Variants in MAGI2 observed in about 807,000 individuals in gnomAD.
MAGI2 encodes the protein membrane associated guanylate kinase, WW and PDZ domain containing 2.
A neutral mutation model predicts 133.3 loss-of-function variants in MAGI2; 35 were observed. That is an observed-to-expected ratio of 0.26 (90% CI 0.20 to 0.35). The LOEUF is 0.35. Among genes scored for constraint, MAGI2 ranks in the 10% least tolerant of loss-of-function variants. The probability of loss-of-function intolerance (pLI) is 1.00; values close to 1 mark genes in which losing one functional copy is unlikely to be tolerated. For missense variants in MAGI2, 1,636 were observed against 1,863.4 expected, an observed-to-expected ratio of 0.88 and a Z score of 2.25; for synonymous variants, 729 against 710.6, an observed-to-expected ratio of 1.03 and a Z score of -0.41.
At chr7:78,177,386 T>C (rs1354301261) in intron 14 of MAGI2, among the ~76,000 whole-genome samples, 2 of 151,594 alleles carry the variant, frequency 1.3e-5, no homozygotes, top group Non-Finnish European at 2.9e-5. Flanking sequence ...TATTAGTGAC[T>C]ACTAGTATTT....
At chr7:78,078,507 T>C (rs1014554031) in intron 21 of MAGI2, 5 of 196,898 alleles carry the variant, frequency 2.5e-5, no homozygotes, top group Non-Finnish European at 5.1e-5. Context: ...CCTGAAGATA[T>C]GTTGCTTGTC....
chr7:78,810,996 G>A (rs1049088220), intron 2 of MAGI2, among the ~76,000 whole-genome samples: 4 of 151,902 alleles, frequency 2.6e-5, no homozygotes, highest in African/African-American at 9.7e-5. Flanking sequence ...ATGGATGTAG[G>A]CAATAAATTG....
At chr7:79,429,816 A>C (rs529436102) in intron 1 of MAGI2, among the ~76,000 whole-genome samples, 1 of 152,300 alleles carries the variant, frequency 6.6e-6, no homozygotes, top group Non-Finnish European at 1.5e-5. Context: ...TAATATGATT[A>C]TCTCATTGAA....
intron 3 of MAGI2, among the ~76,000 whole-genome samples, chr7:78,543,757 G>A (rs1798598862): frequency 6.6e-6 from 1 of 152,134 alleles, no homozygotes; most frequent in Non-Finnish European, 1.5e-5. Context: ...ATCTTCTTGT[G>A]CTCGGAAAAG....
At chr7:78,790,456 CAG>C (rs1199017103) in intron 2 of MAGI2, among the ~76,000 whole-genome samples, 18 of 152,066 alleles carry the variant, frequency 1.2e-4, no homozygotes, top group Admixed American at 1.0e-3. Context: ...TTTTTGGAGA[CAG>C]AGTCTCCCTT....
intron 6 of MAGI2, among the ~76,000 whole-genome samples, chr7:78,435,258 T>G (rs57653907): frequency 0.024 from 3,687 of 152,252 alleles, 161 homozygotes; most frequent in African/African-American, 0.084. Flanking sequence ...CCAGTTAGTA[T>G]TATTATGCTC....
chr7:78,840,964 C>T (rs893237620), intron 2 of MAGI2, among the ~76,000 whole-genome samples: 2 of 151,960 alleles, frequency 1.3e-5, no homozygotes, highest in Admixed American at 1.3e-4. Context: ...TCCTTTGAGA[C>T]TTCGTTCCAT....
intron 20 of MAGI2, among the ~76,000 whole-genome samples, chr7:78,114,113 G>C (rs1266572846): frequency 6.6e-6 from 1 of 152,162 alleles, no homozygotes; most frequent in Non-Finnish European, 1.5e-5. Flanking sequence ...TGTCTGTCAG[G>C]CTCCTGCTCT....
At chr7:78,412,725 G>C (rs1797976463) in intron 6 of MAGI2, among the ~76,000 whole-genome samples, 1 of 152,054 alleles carries the variant, frequency 6.6e-6, no homozygotes, top group East Asian at 1.9e-4. Flanking sequence ...ATGTACAAAA[G>C]AGCACTTCCA....
At chr7:79,173,934 C>T (rs1156578304) in intron 1 of MAGI2, among the ~76,000 whole-genome samples, 1 of 151,576 alleles carries the variant, frequency 6.6e-6, no homozygotes. Context: ...CCAGAAAGAA[C>T]CATTAATAAA....
chr7:78,981,183 A>AT (rs1471029365), intron 2 of MAGI2, among the ~76,000 whole-genome samples: 3 of 151,322 alleles, frequency 2.0e-5, no homozygotes, highest in African/African-American at 7.3e-5. Context: ...ATTTATTATT[A>AT]TTATTACTAG....
chr7:78,243,333 G>A (rs973569033), intron 10 of MAGI2, among the ~76,000 whole-genome samples: 6 of 151,114 alleles, frequency 4.0e-5, no homozygotes, highest in African/African-American at 9.8e-5. Flanking sequence ...TGGGTAAACC[G>A]TATATGGTGT....
chr7:78,154,935 T>TCA (rs10688343), intron 16 of MAGI2, among the ~76,000 whole-genome samples: 71,200 of 151,722 alleles, frequency 0.47, 17,067 homozygotes, highest in Non-Finnish European at 0.52. Context: ...TCTAATCCAT[T>TCA]GAGTCATAGG....
intron 2 of MAGI2, among the ~76,000 whole-genome samples, chr7:78,660,489 GTGCTAAA>G (rs1477009998): frequency 6.6e-6 from 1 of 152,056 alleles, no homozygotes; most frequent in South Asian, 2.1e-4. Context: ...AGGAAATGAA[GTGCTAAA>G]AGCTCAATTA....
At chr7:78,132,760 A>G in intron 18 of MAGI2, 129 bp downstream of exon 18, 1 of 1,343,464 alleles carries the variant, frequency 7.4e-7, no homozygotes, top group Non-Finnish European at 1.0e-6. Context: ...GAAATCACAC[A>G]AAGGTATGCA....
At chr7:78,937,990 A>C (rs915395724) in intron 2 of MAGI2, among the ~76,000 whole-genome samples, 1 of 152,194 alleles carries the variant, frequency 6.6e-6, no homozygotes, top group African/African-American at 2.4e-5. Flanking sequence ...AATGATGTGG[A>C]CGATAAAAAG....
At chr7:78,733,633 T>A (rs1821577562) in intron 2 of MAGI2, among the ~76,000 whole-genome samples, 1 of 152,160 alleles carries the variant, frequency 6.6e-6, no homozygotes, top group East Asian at 1.9e-4. Context: ...CCTAAAATAA[T>A]ACATACAGCA....
chr7:78,511,148 C>T (rs1795524906), intron 4 of MAGI2, among the ~76,000 whole-genome samples: 1 of 151,940 alleles, frequency 6.6e-6, no homozygotes, highest in Non-Finnish European at 1.5e-5. Context: ...ACTACAGGCT[C>T]TTGTAAATAA....
At chr7:78,483,166 ACTT>A (rs1483949058) in intron 6 of MAGI2, among the ~76,000 whole-genome samples, 3 of 151,766 alleles carry the variant, frequency 2.0e-5, no homozygotes, top group Admixed American at 6.6e-5. Flanking sequence ...TTCCTTAGTA[ACTT>A]CTTGTGAATT....
Sources: allele counts gnomAD v4.1 joint callset (sites outside exome capture counted in the v4.1 genomes callset), GRCh38; gene constraint gnomAD v4.1.1; transcripts MANE v1.5; gene names NCBI Gene and HGNC (gene_info 2026-07-23, HGNC 2026-07-21).